PXDNL: variants seen among roughly 807,000 people sequenced by gnomAD.
PXDNL encodes probable oxidoreductase PXDNL.
A neutral mutation model predicts 150.8 loss-of-function variants in PXDNL; 145 were observed. The observed-to-expected ratio is 0.96, with a 90% CI of 0.84 to 1.10. PXDNL has a LOEUF of 1.10. Ranked by LOEUF, PXDNL falls within the 50% of genes least tolerant of loss-of-function variation. PXDNL has a pLI of 0.00. For synonymous variants in PXDNL, 757 were observed against 725.7 expected, an observed-to-expected ratio of 1.04 and a Z score of -0.69; for missense variants, 2,087 against 1,873.9, an observed-to-expected ratio of 1.11 and a Z score of -2.10.
At chr8:51,379,120 T>A (rs114524351) in intron 17 of PXDNL, among the ~76,000 whole-genome samples, 2,607 of 152,264 alleles carry the variant, frequency 0.017, 81 homozygotes, top group African/African-American at 0.058. Context: ...TAGTTTCCCT[T>A]CTTTTTCCCA....
chr8:51,435,377 G>GTTTGT (rs1809371980), intron 12 of PXDNL, among the ~76,000 whole-genome samples: 2 of 151,396 alleles, frequency 1.3e-5, no homozygotes, highest in South Asian at 4.2e-4. Flanking sequence ...GTTTTTGTTT[G>GTTTGT]TTTGTTTGTT....
At chr8:51,803,946 C>G (rs2037649191) in intron 1 of PXDNL, among the ~76,000 whole-genome samples, 1 of 152,164 alleles carries the variant, frequency 6.6e-6, no homozygotes, top group Non-Finnish European at 1.5e-5. Flanking sequence ...TAAAACACAA[C>G]AAAATTCAAC....
chr8:51,320,751 G>GA, intron 22 of PXDNL, 33 bp downstream of exon 22: 1 of 1,310,244 alleles, frequency 7.6e-7, no homozygotes. Flanking sequence ...GAAGTGAAAT[G>GA]GGGAGTTGGA....
chr8:51,480,532 G>A (rs550577358), intron 6 of PXDNL, among the ~76,000 whole-genome samples: 2 of 152,126 alleles, frequency 1.3e-5, no homozygotes, highest in Admixed American at 6.5e-5. Flanking sequence ...CACGCCCCAC[G>A]ACTGACATTA....
At chr8:51,786,122 C>G (rs1464996583) in intron 1 of PXDNL, among the ~76,000 whole-genome samples, 2 of 152,322 alleles carry the variant, frequency 1.3e-5, no homozygotes, top group Middle Eastern at 3.4e-3. Context: ...CAAAAATCAG[C>G]TGAGCACTCA....
chr8:51,661,326 A>G (rs976104087), intron 1 of PXDNL, among the ~76,000 whole-genome samples: 2 of 152,162 alleles, frequency 1.3e-5, no homozygotes, highest in Non-Finnish European at 2.9e-5. Flanking sequence ...GGTTAATTTT[A>G]GGGATCAACT....
At chr8:51,762,316 T>C (rs1425358854) in intron 1 of PXDNL, among the ~76,000 whole-genome samples, 1 of 152,202 alleles carries the variant, frequency 6.6e-6, no homozygotes, top group Non-Finnish European at 1.5e-5. Flanking sequence ...CTGCAAAGTC[T>C]CTTGTGGGAA....
intron 12 of PXDNL, among the ~76,000 whole-genome samples, chr8:51,432,712 T>C (rs567569784): frequency 2.0e-5 from 3 of 152,348 alleles, no homozygotes; most frequent in East Asian, 3.9e-4. Context: ...TCATATCCAA[T>C]GATCTTGCTG....
chr8:51,660,799 ATGCACTCCTG>A (rs1166239928), intron 1 of PXDNL, among the ~76,000 whole-genome samples: 1 of 152,084 alleles, frequency 6.6e-6, no homozygotes, highest in African/African-American at 2.4e-5. Flanking sequence ...ATTGGGAAAC[ATGCACTCCTG>A]TGCACTCCTG....
At chr8:51,788,407 C>T (rs993014789) in intron 1 of PXDNL, among the ~76,000 whole-genome samples, 1 of 152,176 alleles carries the variant, frequency 6.6e-6, no homozygotes, top group Non-Finnish European at 1.5e-5. Context: ...AAAGCCACCA[C>T]TCAATTGTTC....
intron 1 of PXDNL, among the ~76,000 whole-genome samples, chr8:51,675,828 T>G (rs890841426): frequency 6.8e-6 from 1 of 148,048 alleles, no homozygotes; most frequent in South Asian, 2.2e-4. Flanking sequence ...AGACTCATAA[T>G]CTGTTATAGC....
intron 4 of PXDNL, among the ~76,000 whole-genome samples, chr8:51,514,754 G>T (rs890720447): frequency 6.6e-6 from 1 of 152,184 alleles, no homozygotes; most frequent in Non-Finnish European, 1.5e-5. Context: ...TCTGGGGCTT[G>T]ATGGAAATCC....
At chr8:51,352,779 G>A (rs1806392235) in intron 19 of PXDNL, among the ~76,000 whole-genome samples, 1 of 152,204 alleles carries the variant, frequency 6.6e-6, no homozygotes, top group South Asian at 2.1e-4. Context: ...GCCATAAAAA[G>A]AGTGAAATCA....
chr8:51,322,247 T>C, intron 21 of PXDNL, among the ~76,000 whole-genome samples: 1 of 152,004 alleles, frequency 6.6e-6, no homozygotes, highest in East Asian at 1.9e-4. Context: ...ATATATGATA[T>C]ATGGAAAAAA....
intron 8 of PXDNL, among the ~76,000 whole-genome samples, chr8:51,461,051 G>C (rs1169409115): frequency 6.6e-6 from 1 of 152,132 alleles, no homozygotes. Context: ...CCACTACCCA[G>C]GGTGAGTGCT....
At chr8:51,762,551 TC>T (rs1309274888) in intron 1 of PXDNL, among the ~76,000 whole-genome samples, 7 of 152,362 alleles carry the variant, frequency 4.6e-5, no homozygotes, top group South Asian at 4.1e-4. Flanking sequence ...TTTCTATTGA[TC>T]CCAGGTCTTT....
chr8:51,540,704 C>T (rs115511818), intron 4 of PXDNL, among the ~76,000 whole-genome samples: 2,839 of 152,086 alleles, frequency 0.019, 39 homozygotes, highest in African/African-American at 0.035. Flanking sequence ...GGGTGTAGTG[C>T]TCTATTAATA....
At chr8:51,416,416 G>C (rs993970759) in intron 14 of PXDNL, among the ~76,000 whole-genome samples, 3 of 152,176 alleles carry the variant, frequency 2.0e-5, no homozygotes, top group African/African-American at 7.2e-5. Context: ...TTGTTTTGCT[G>C]TTATAGTTGT....
chr8:51,442,128 C>T (rs544150060), intron 12 of PXDNL, among the ~76,000 whole-genome samples: 1 of 151,994 alleles, frequency 6.6e-6, no homozygotes, highest in East Asian at 1.9e-4. Context: ...GTTATTATTC[C>T]CAACTCTTTT....
Sources: allele counts gnomAD v4.1 joint callset (sites outside exome capture counted in the v4.1 genomes callset), GRCh38; gene constraint gnomAD v4.1.1; transcripts MANE v1.5; gene names NCBI Gene and HGNC (gene_info 2026-07-23, HGNC 2026-07-21).